The following SERPINF2 variants were observed in gnomAD, a reference collection of about 807,000 sequenced individuals.
The protein encoded by SERPINF2 is alpha-2-antiplasmin.
SERPINF2 carries 15 observed loss-of-function variants against 45.0 expected under a neutral mutation model. The ratio of observed to expected loss-of-function variants is 0.33; its 90% CI spans 0.22 to 0.51. The LOEUF (loss-of-function observed/expected upper bound fraction) is 0.51. SERPINF2 is among the 20% of genes least tolerant of loss of function. The probability of loss-of-function intolerance (pLI) is 0.97; values close to 1 mark genes in which losing one functional copy is unlikely to be tolerated. For synonymous variants in SERPINF2, 283 were observed against 277.9 expected, an observed-to-expected ratio of 1.02 and a Z score of -0.18; for missense variants, 518 against 637.4, an observed-to-expected ratio of 0.81 and a Z score of 2.02.
intron 1 of SERPINF2, 115 bp downstream of exon 1, chr17:1,743,023 T>C (rs12937244): frequency 0.22 from 220,203 of 985,188 alleles, 24,985 homozygotes; most frequent in South Asian, 0.39. Context: ...CCCAGCCTCT[T>C]CTGGGACTTG....
chr17:1,752,570 C>G lies in SERPINF2; in HGVS notation c.859-16C>G, dbSNP rs773928776. ...GGGCTTTCTGTCCTCATGCTCTTCC[C>G]TTCCCTTTTCTGTAGGTGGCTCATT... On this transcript the variant is annotated splice_polypyrimidine_tract_variant and intron_variant, in intron 8 of 9. Transcript: ENST00000453066. 4 of 1,613,296 alleles carry G rather than the reference C, an allele frequency of 2.5e-6. No homozygotes were observed. The highest frequency in any genetic ancestry group is 3.4e-6 in the Non-Finnish European group (4 of 1,179,256).
At chr17:1,750,824 C>T (rs529911246) in intron 8 of SERPINF2, among the ~76,000 whole-genome samples, 10 of 152,246 alleles carry the variant, frequency 6.6e-5, no homozygotes, top group South Asian at 2.1e-4. Flanking sequence ...GAGGCTGGCC[C>T]GGGAACGCGT....
chr17:1,750,242 G>A (rs751667579), intron 8 of SERPINF2, among the ~76,000 whole-genome samples: 1 of 152,066 alleles, frequency 6.6e-6, no homozygotes, highest in Non-Finnish European at 1.5e-5. Context: ...TCTACCTCCC[G>A]GGTTCAAGGG....
intron 9 of SERPINF2, among the ~76,000 whole-genome samples, chr17:1,753,408 C>T (rs987749673): frequency 1.3e-5 from 2 of 152,090 alleles, no homozygotes; most frequent in Admixed American, 6.6e-5. Flanking sequence ...AAATAAAGGC[C>T]GGGCATGGTG....
rs1567745819 is a variant in SERPINF2 at position 1,754,660 on chromosome 17, C to T, written c.*126C>T. On this transcript the variant is annotated 3_prime_UTR_variant, in exon 10 of 10. Transcript: ENST00000453066. Reference sequence around the variant, plus strand: ...GCAGTCTGAGAGAGGCCATTCTTTCCCAACACCTCTTGGGGAGTTTAGGGT... The same window carrying T: ...GCAGTCTGAGAGAGGCCATTCTTTCTCAACACCTCTTGGGGAGTTTAGGGT... 1.0e-6 allele frequency: 1 copy of T among 954,440 alleles called. No homozygotes were observed. The highest frequency in any genetic ancestry group is 1.5e-6 in the Non-Finnish European group (1 of 666,592). The allele number at this position is 954,440 out of a possible 1,614,324, so 59.1% of individuals were successfully genotyped here. A position where few individuals can be genotyped will look rare whatever the true frequency, so the allele number is the denominator to read the frequency against.
intron 8 of SERPINF2, among the ~76,000 whole-genome samples, chr17:1,751,278 G>A (rs141729987): frequency 0.021 from 3,238 of 151,444 alleles, 52 homozygotes; most frequent in Non-Finnish European, 0.033. Context: ...GTGAAACCCC[G>A]TCTCTACTAA....
At chr17:1,753,159 C>T (rs142192992) in intron 9 of SERPINF2, among the ~76,000 whole-genome samples, 37 of 152,266 alleles carry the variant, frequency 2.4e-4, no homozygotes, top group Middle Eastern at 6.8e-3. Context: ...AATCCCAGCA[C>T]GTTGGGAAGC....
At chr17:1,752,869 G>C in intron 9 of SERPINF2, 79 bp downstream of exon 9, 1 of 1,301,430 alleles carries the variant, frequency 7.7e-7, no homozygotes, top group Non-Finnish European at 1.1e-6. Context: ...GCTGGCAGTG[G>C]AGCTGAGTCA....
chr17:1,748,294 A>G (rs1906045493), intron 7 of SERPINF2, among the ~76,000 whole-genome samples: 4 of 124,094 alleles, frequency 3.2e-5, no homozygotes, highest in Admixed American at 2.5e-4. Context: ...ACAGAGCGAG[A>G]CTCCGTCTAA....
In SERPINF2 at chr17:1,745,654, A is replaced by T; in HGVS notation, c.166-54A>T. 2 of 1,565,506 alleles carry T rather than the reference A, an allele frequency of 1.3e-6. No homozygotes were observed. Among genetic ancestry groups the T allele is most frequent in the South Asian group, 1.1e-5 (1 of 90,002 alleles). ...CAGGGGCTGTGACAAGGCCTTCAACACAGAACCTGGAGCTGACCCCTTGAC... is the reference window on the plus strand; with the variant it reads ...CAGGGGCTGTGACAAGGCCTTCAACTCAGAACCTGGAGCTGACCCCTTGAC... On this transcript the variant is annotated intron_variant, in intron 4 of 9. Coordinates refer to ENST00000453066, the MANE Select transcript of SERPINF2 (RefSeq NM_000934.4). This position sits in a 1 kb window ranked among gnomAD's most constrained non-coding sequence, Gnocchi z 6.2.
chr17:1,748,232 C>T (rs1005332469), intron 7 of SERPINF2, among the ~76,000 whole-genome samples: 33 of 150,232 alleles, frequency 2.2e-4, no homozygotes, highest in Non-Finnish European at 3.7e-4. Flanking sequence ...GCCCGGGAGG[C>T]GGTGGAGCTT....
intron 8 of SERPINF2, among the ~76,000 whole-genome samples, chr17:1,750,521 C>T (rs913217292): frequency 1.3e-5 from 2 of 151,906 alleles, no homozygotes; most frequent in Non-Finnish European, 2.9e-5. Context: ...CTCCTGACCT[C>T]AAGTGATCCG....
Position 1,754,781 on chromosome 17 carries a change from C to A in SERPINF2, c.*247C>A, listed in dbSNP as rs547103244. On this transcript the variant is annotated 3_prime_UTR_variant, in exon 10 of 10. Transcript: ENST00000453066. ...AACAGGCTCAGAGGGTGTCCTGCACCGGGGCCTGGGCAGGAGGGAGGTGCT... is the reference window on the plus strand; with the variant it reads ...AACAGGCTCAGAGGGTGTCCTGCACAGGGGCCTGGGCAGGAGGGAGGTGCT... 4 of 557,152 alleles carry A rather than the reference C, an allele frequency of 7.2e-6. No individual in the cohort carries two copies. The highest frequency in any genetic ancestry group is 1.2e-5 in the Non-Finnish European group (4 of 320,734). The allele number at this position is 557,152 out of a possible 1,614,324, so 34.5% of individuals were successfully genotyped here.
At chr17:1,746,834 G>C (rs1905870070) in intron 5 of SERPINF2, among the ~76,000 whole-genome samples, 185 bp from the exon 6 acceptor site, 1 of 152,194 alleles carries the variant, frequency 6.6e-6, no homozygotes, top group Non-Finnish European at 1.5e-5. Flanking sequence ...TAACTTGTGG[G>C]GGGTGAGGTC....
intron 7 of SERPINF2, 112 bp from the exon 8 acceptor site, chr17:1,748,485 CA>C: frequency 2.2e-6 from 3 of 1,376,452 alleles, no homozygotes; most frequent in Non-Finnish European, 3.1e-6. Flanking sequence ...CTGGGTGGGA[CA>C]GGCAACGGGC....
Position 1,745,408 on chromosome 17 carries a change from G to A in SERPINF2, c.165+13G>A. 2 of 1,612,314 alleles carry A rather than the reference G, an allele frequency of 1.2e-6. No individual in the cohort carries two copies. Among genetic ancestry groups the A allele is most frequent in the Admixed American group, 3.3e-5 (2 of 59,972 alleles). ...GTTGGGCAACCAGGTACAACCAGGTGGGGCTGGGGAAGAGTGGGCGGGGCT... is the reference window on the plus strand; with the variant it reads ...GTTGGGCAACCAGGTACAACCAGGTAGGGCTGGGGAAGAGTGGGCGGGGCT... On this transcript the variant is annotated intron_variant, in intron 4 of 9. Coordinates refer to ENST00000453066, the MANE Select transcript of SERPINF2 (RefSeq NM_000934.4). This position sits in a 1 kb window ranked among gnomAD's most constrained non-coding sequence, Gnocchi z 6.2.
Position 1,747,168 on chromosome 17 carries a change from C to G in SERPINF2, c.511+6C>G. Reference sequence around the variant, plus strand: ...CAGGATGTACCTGCAGAAAGGTAGGCGCTGATGGCAGGGAGCTCCCTCAGT... The same window carrying G: ...CAGGATGTACCTGCAGAAAGGTAGGGGCTGATGGCAGGGAGCTCCCTCAGT... On this transcript the variant is annotated splice_donor_region_variant and intron_variant, in intron 6 of 9. Coordinates refer to ENST00000453066, the MANE Select transcript of SERPINF2 (RefSeq NM_000934.4). The G allele has an allele frequency of 6.2e-7, 1 of 1,612,072 alleles. No individual in the cohort carries two copies. Among genetic ancestry groups the G allele is most frequent in the Non-Finnish European group, 8.5e-7 (1 of 1,179,932 alleles).
chr17:1,746,983 C>T, intron 5 of SERPINF2, 36 bp from the exon 6 acceptor site: 1 of 1,596,368 alleles, frequency 6.3e-7, no homozygotes, highest in South Asian at 1.1e-5. Context: ...GAGAAAGGAC[C>T]CGCAGCCGGG....
Position 1,752,682 on chromosome 17 carries a change from T to A in SERPINF2, c.955T>A (p.Trp319Arg). The A allele has an allele frequency of 6.2e-7, 1 of 1,614,144 alleles. No individual in the cohort carries two copies. Among genetic ancestry groups the A allele is most frequent in the Non-Finnish European group, 8.5e-7 (1 of 1,180,036 alleles). ...NVSQVLANLS[W>R]DTLHPPLVWE... is the part of the protein sequence containing the mutation. Reference sequence around the variant, plus strand: ...GTCCCAGGTACTGGCCAACCTGAGTTGGGACACCCTGCACCCACCTCTGGT... The same window carrying A: ...GTCCCAGGTACTGGCCAACCTGAGTAGGGACACCCTGCACCCACCTCTGGT... The change falls in exon 9 of 10, where the codon TGG becomes AGG. Residue 319 changes from tryptophan (W) to arginine (R), a missense_variant. Physicochemically the swap from Trp to Arg is moderately radical, Grantham distance 101. Around this residue, in one of 2 missense-constraint regions of SERPINF2, gnomAD observed 435 missense variants for 577.3 expected, o/e 0.75. Transcript: ENST00000453066.
Sources: allele counts gnomAD v4.1 joint callset (sites outside exome capture counted in the v4.1 genomes callset), GRCh38; gene constraint gnomAD v4.1.1; regional missense constraint gnomAD v4.1.1; non-coding constraint Gnocchi (gnomAD v3.1); transcripts MANE v1.5; gene names NCBI Gene and HGNC (gene_info 2026-07-23, HGNC 2026-07-21).